FARSB: variants seen among roughly 807,000 people sequenced by gnomAD.
The protein encoded by FARSB is phenylalanine--tRNA ligase beta subunit.
A neutral mutation model predicts 69.6 loss-of-function variants in FARSB; 40 were observed. That is an observed-to-expected ratio of 0.57 (90% CI 0.45 to 0.75). The LOEUF (loss-of-function observed/expected upper bound fraction) is 0.75, where lower values mean the gene tolerates loss of function less well. FARSB is among the 30% of genes least tolerant of loss of function. The pLI is 0.00. For synonymous variants in FARSB, 235 were observed against 247.2 expected, an observed-to-expected ratio of 0.95 and a Z score of 0.46; for missense variants, 632 against 722.9, an observed-to-expected ratio of 0.87 and a Z score of 1.44.
intron 15 of FARSB, among the ~76,000 whole-genome samples, chr2:222,611,972 TG>T (rs1263430510): frequency 6.6e-6 from 1 of 152,130 alleles, no homozygotes; most frequent in Non-Finnish European, 1.5e-5. Flanking sequence ...GGAAACCTAG[TG>T]TAATTAACCT....
intron 16 of FARSB, among the ~76,000 whole-genome samples, chr2:222,579,690 A>C (rs1328319188): frequency 6.6e-6 from 1 of 152,176 alleles, no homozygotes; most frequent in Non-Finnish European, 1.5e-5. Flanking sequence ...TCCTTCACTT[A>C]ATATATGAAA....
chr2:222,634,309 C>T, intron 6 of FARSB, 82 bp downstream of exon 6: 1 of 966,070 alleles, frequency 1.0e-6, no homozygotes, highest in Non-Finnish European at 1.5e-6. Context: ...GTATTGATTA[C>T]ATTTCCCTAG....
intron 15 of FARSB, among the ~76,000 whole-genome samples, chr2:222,602,312 C>A (rs1010269454): frequency 1.3e-5 from 2 of 151,806 alleles, no homozygotes; most frequent in African/African-American, 4.8e-5. Flanking sequence ...ATCATCTAAA[C>A]CTCTCTCAAT....
intron 1 of FARSB, among the ~76,000 whole-genome samples, chr2:222,652,303 A>C (rs981924232): frequency 6.6e-6 from 1 of 152,016 alleles, no homozygotes. Flanking sequence ...ATATGGGAGG[A>C]ACTGAATCAG....
chr2:222,575,083 T>G (rs1263507410), intron 16 of FARSB, among the ~76,000 whole-genome samples: 3 of 152,174 alleles, frequency 2.0e-5, no homozygotes, highest in Non-Finnish European at 4.4e-5. Context: ...ACAAGGGAGA[T>G]ATAGCTGACC....
intron 15 of FARSB, among the ~76,000 whole-genome samples, chr2:222,605,870 G>A (rs940998307): frequency 1.3e-5 from 2 of 152,176 alleles, no homozygotes; most frequent in African/African-American, 2.4e-5. Flanking sequence ...ACAGGAGTTC[G>A]AGATTGCAGT....
intron 8 of FARSB, among the ~76,000 whole-genome samples, chr2:222,630,607 T>C (rs964031468): frequency 8.5e-5 from 13 of 152,226 alleles, no homozygotes; most frequent in Admixed American, 8.5e-4. Context: ...TCTTGTCTGG[T>C]ACTTACAAAG....
chr2:222,607,538 T>A (rs1298247635), intron 15 of FARSB, among the ~76,000 whole-genome samples: 1 of 152,040 alleles, frequency 6.6e-6, no homozygotes, highest in Non-Finnish European at 1.5e-5. Flanking sequence ...CATTAAAAAG[T>A]ATTTATCCAT....
chr2:222,587,930 C>G (rs974202444), intron 16 of FARSB, among the ~76,000 whole-genome samples: 1 of 152,106 alleles, frequency 6.6e-6, no homozygotes, highest in Non-Finnish European at 1.5e-5. Context: ...ATCAGAGGTA[C>G]AAAGAGGTGC....
intron 16 of FARSB, among the ~76,000 whole-genome samples, chr2:222,576,631 G>A (rs564997311): frequency 5.9e-5 from 9 of 152,152 alleles, no homozygotes; most frequent in African/African-American, 1.4e-4. Flanking sequence ...AGGCTGATTC[G>A]GGGGCTGGCA....
chr2:222,626,243 C>CAA (rs36117232), intron 10 of FARSB, among the ~76,000 whole-genome samples: 2,629 of 56,382 alleles, frequency 0.047, 113 homozygotes, highest in African/African-American at 0.086. Context: ...GACTCCATCT[C>CAA]AAAAAAAAAA....
intron 15 of FARSB, among the ~76,000 whole-genome samples, chr2:222,607,251 TCA>T (rs987811960): frequency 4.3e-4 from 65 of 152,190 alleles, no homozygotes; most frequent in African/African-American, 1.6e-3. Flanking sequence ...CAACAAATTA[TCA>T]CACATTTAGA....
In FARSB at chr2:222,610,926, C is replaced by A. The variant is rs146782284; in HGVS notation, c.1462+2885G>T. Among the ~76,000 whole-genome samples the A allele has an allele frequency of 1.4e-3, 220 of 152,300 alleles. 1 individual carries two copies. Among genetic ancestry groups the A allele is most frequent in the Admixed American group, 0.013 (193 of 15,300 alleles). On this transcript the variant is annotated intron_variant, in intron 15 of 16. Coordinates refer to ENST00000281828, the MANE Select transcript of FARSB (RefSeq NM_005687.5). ...AAGCCAAGCACTCTGGCTGCAGAGT[C>A]TCTCTATGGAACTGTGGTGCTTTGC...
intron 14 of FARSB, among the ~76,000 whole-genome samples, chr2:222,616,985 CTTTTTTTTTTTTT>C (rs1004946913): frequency 7.0e-5 from 2 of 28,376 alleles, no homozygotes; most frequent in Admixed American, 4.5e-4. Context: ...AAGATTGATT[CTTTTTTTTTTTTT>C]TTTTTTTTTT....
chr2:222,582,915 A>T (rs1008760292), intron 16 of FARSB, among the ~76,000 whole-genome samples: 5 of 151,818 alleles, frequency 3.3e-5, no homozygotes, highest in African/African-American at 1.2e-4. Flanking sequence ...ACAGAGCAAG[A>T]CTATGTCTCC....
At chr2:222,602,319 C>T (rs1258090777) in intron 15 of FARSB, among the ~76,000 whole-genome samples, 2 of 151,890 alleles carry the variant, frequency 1.3e-5, no homozygotes, top group Non-Finnish European at 2.9e-5. Context: ...AAACCTCTCT[C>T]AATTTACAAA....
At chr2:222,589,748 C>A (rs1253598628) in intron 16 of FARSB, among the ~76,000 whole-genome samples, 1 of 152,112 alleles carries the variant, frequency 6.6e-6, no homozygotes. Context: ...ATGCAGCCAA[C>A]AGACACATGA....
intron 16 of FARSB, among the ~76,000 whole-genome samples, chr2:222,593,589 C>G (rs531852676): frequency 2.6e-5 from 4 of 152,080 alleles, no homozygotes; most frequent in Non-Finnish European, 4.4e-5. Context: ...ATGGTAAGTA[C>G]TCAAAAGACT....
In FARSB at chr2:222,570,721, C is replaced by CAT. The variant is rs1689702167; in HGVS notation, c.*1149_*1150insAT. ...TATTTTTAGTGGAGATGGCATTTCA[C>CAT]CATGTTGGTCAGGCTGATCTCGAAC... On this transcript the variant is annotated 3_prime_UTR_variant, in exon 17 of 17. Transcript: ENST00000281828. The CAT allele has an allele frequency of 6.6e-6, 1 of 151,948 alleles. No homozygotes were observed. The highest frequency in any genetic ancestry group is 2.4e-5 in the African/African-American group (1 of 41,328). 9.4% of individuals were successfully genotyped at this position (151,948 alleles called of 1,614,324 possible).
Sources: gnomAD v4.1 joint callset for allele counts (sites outside exome capture counted in the v4.1 genomes callset) on GRCh38, gnomAD v4.1.1 for gene constraint, MANE v1.5 for transcripts, NCBI Gene and HGNC (gene_info 2026-07-23, HGNC 2026-07-21) for gene names.